The following AUTS2 variants were observed in gnomAD, a reference collection of about 807,000 sequenced individuals.
AUTS2 encodes autism susceptibility gene 2 protein.
AUTS2 carries 17 observed loss-of-function variants against 112.4 expected under a neutral mutation model. The observed-to-expected ratio is 0.15, with a 90% CI of 0.10 to 0.23. The LOEUF is 0.23. Among genes scored for constraint, AUTS2 ranks in the 10% least tolerant of loss-of-function variants. The pLI, the probability that AUTS2 is intolerant of heterozygous loss-of-function variation, is 1.00. For synonymous variants in AUTS2, 751 were observed against 702.7 expected, an observed-to-expected ratio of 1.07 and a Z score of -1.09; for missense variants, 1,510 against 1,701.6, an observed-to-expected ratio of 0.89 and a Z score of 1.98.
chr7:69,704,419 A>G (rs1797962806), intron 1 of AUTS2, among the ~76,000 whole-genome samples: 1 of 152,108 alleles, frequency 6.6e-6, no homozygotes, highest in South Asian at 2.1e-4. Context: ...CTGGGATTAC[A>G]GGCGCCTGCC....
chr7:70,060,210 A>C (rs551919074), intron 2 of AUTS2, among the ~76,000 whole-genome samples: 1 of 152,180 alleles, frequency 6.6e-6, no homozygotes, highest in African/African-American at 2.4e-5. Flanking sequence ...TTTCTTTGGT[A>C]TGCTTCATCT....
chr7:70,208,732 G>A (rs1810706429), intron 4 of AUTS2, among the ~76,000 whole-genome samples: 1 of 151,918 alleles, frequency 6.6e-6, no homozygotes, highest in Non-Finnish European at 1.5e-5. Flanking sequence ...GTGAGGATGT[G>A]AGTTAAGGGG....
At chr7:70,719,687 C>CT (rs1430218073) in intron 6 of AUTS2, among the ~76,000 whole-genome samples, 1 of 152,164 alleles carries the variant, frequency 6.6e-6, no homozygotes, top group African/African-American at 2.4e-5. Context: ...TGGTCGTGAA[C>CT]TCCTGACCTT....
rs747922957 is a variant in AUTS2 at position 70,435,889 on chromosome 7, CT to C, written c.690+112del. On this transcript the variant is annotated intron_variant, in intron 5 of 18. Coordinates refer to ENST00000342771, the MANE Select transcript of AUTS2 (RefSeq NM_015570.4). ...GATGCCAGCTTCATGTTGACAGGAC[CT>C]TTTCTCTTTAGGAAAGATGGGCATT... 2.0e-4 allele frequency: 244 copies of C among 1,197,674 alleles called. 1 individual carries two copies. Among genetic ancestry groups the C allele is most frequent in the Middle Eastern group, 1.6e-3 (8 of 5,142 alleles). 74.2% of individuals were successfully genotyped at this position (1,197,674 alleles called of 1,614,324 possible).
intron 5 of AUTS2, among the ~76,000 whole-genome samples, chr7:70,686,469 C>T (rs934752069): frequency 7.9e-5 from 12 of 152,292 alleles, no homozygotes; most frequent in African/African-American, 2.4e-4. Context: ...CTTTTAACCA[C>T]TAGACCAACT....
At chr7:70,087,284 A>T (rs1164550256) in intron 2 of AUTS2, among the ~76,000 whole-genome samples, 1 of 151,494 alleles carries the variant, frequency 6.6e-6, no homozygotes, top group Non-Finnish European at 1.5e-5. Context: ...AATTTTTTTT[A>T]TAAAAACATG....
At chr7:69,972,319 A>G (rs1797881092) in intron 2 of AUTS2, among the ~76,000 whole-genome samples, 1 of 151,972 alleles carries the variant, frequency 6.6e-6, no homozygotes, top group South Asian at 2.1e-4. Context: ...TTTACTGTTG[A>G]GTTTTTCACA....
intron 5 of AUTS2, among the ~76,000 whole-genome samples, chr7:70,654,135 G>C (rs991945942): frequency 6.6e-5 from 10 of 152,154 alleles, no homozygotes; most frequent in Non-Finnish European, 1.2e-4. Flanking sequence ...AATGGTTATG[G>C]AACTATGGAA....
chr7:69,824,797 T>C (rs1017605848), intron 1 of AUTS2: 2 of 152,212 alleles, frequency 1.3e-5, no homozygotes, highest in Non-Finnish European at 2.9e-5. Context: ...GGGTAGTTAC[T>C]GGTGAAATTG....
chr7:70,544,525 GC>G (rs1355704191), intron 5 of AUTS2, among the ~76,000 whole-genome samples: 1 of 152,110 alleles, frequency 6.6e-6, no homozygotes. Flanking sequence ...ATCTCACTTT[GC>G]CCCACCAACC....
Position 70,331,836 on chromosome 7 carries a change from A to G in AUTS2, c.661-103916A>G, listed in dbSNP as rs1162923063. On this transcript the variant is annotated intron_variant, in intron 4 of 18. Coordinates refer to ENST00000342771, the MANE Select transcript of AUTS2 (RefSeq NM_015570.4). ...AACGTATATTGAAATAATAAAAGCT[A>G]TTTATGACAGACCCACAGACATACT... Among the ~76,000 whole-genome samples the G allele has an allele frequency of 5.9e-5, 9 of 152,288 alleles. No individual in the cohort carries two copies. In the East Asian group the frequency reaches 1.4e-3, roughly 23 times the overall value.
intron 17 of AUTS2, among the ~76,000 whole-genome samples, chr7:70,786,566 G>A (rs574966265): frequency 1.3e-5 from 2 of 152,204 alleles, no homozygotes; most frequent in Non-Finnish European, 2.9e-5. Flanking sequence ...AGCCCATCTC[G>A]ATTAGGAGAA....
chr7:69,627,141 A>G (rs1469060079), intron 1 of AUTS2, among the ~76,000 whole-genome samples: 1 of 152,228 alleles, frequency 6.6e-6, no homozygotes, highest in Admixed American at 6.5e-5. Flanking sequence ...ATGTAAATAC[A>G]GAGGAGGCAA....
At chr7:70,763,371 T>G in intron 7 of AUTS2, 30 bp downstream of exon 7, 14 of 1,496,364 alleles carry the variant, frequency 9.4e-6, no homozygotes, top group Non-Finnish European at 1.3e-5. Context: ...TTGGCCTGAC[T>G]TTTGCCCTCT....
At chr7:70,029,641 G>A (rs542324936) in intron 2 of AUTS2, among the ~76,000 whole-genome samples, 97 of 152,170 alleles carry the variant, frequency 6.4e-4, no homozygotes, top group South Asian at 2.5e-3. Context: ...AATACTTTGC[G>A]GTTGTCATAT....
At chr7:70,452,821 G>A (rs925394870) in intron 5 of AUTS2, among the ~76,000 whole-genome samples, 1 of 152,102 alleles carries the variant, frequency 6.6e-6, no homozygotes, top group Non-Finnish European at 1.5e-5. Context: ...GGCCCCCAAG[G>A]GAAGATGGAC....
intron 4 of AUTS2, among the ~76,000 whole-genome samples, chr7:70,281,188 C>A (rs1166157038): frequency 6.6e-6 from 1 of 152,154 alleles, no homozygotes; most frequent in African/African-American, 2.4e-5. Context: ...TGACCAGATC[C>A]TCTTAAAGTT....
At chr7:70,759,313 C>CATATT (rs1435760425) in intron 6 of AUTS2, among the ~76,000 whole-genome samples, 2 of 152,132 alleles carry the variant, frequency 1.3e-5, no homozygotes, top group African/African-American at 4.8e-5. Flanking sequence ...CTTCTCTGGG[C>CATATT]ATATTCCCTA....
intron 6 of AUTS2, among the ~76,000 whole-genome samples, chr7:70,749,199 A>G (rs1275144603): frequency 6.6e-6 from 1 of 152,104 alleles, no homozygotes; most frequent in East Asian, 1.9e-4. Flanking sequence ...AAGAATTTCT[A>G]AGGTTGGGTC....
Sources: allele counts gnomAD v4.1 joint callset (sites outside exome capture counted in the v4.1 genomes callset), GRCh38; gene constraint gnomAD v4.1.1; transcripts MANE v1.5; gene names NCBI Gene and HGNC (gene_info 2026-07-23, HGNC 2026-07-21).